The following SGCZ variants were observed in gnomAD, a reference collection of about 807,000 sequenced individuals.
SGCZ encodes the protein zeta-sarcoglycan.
In SGCZ, 40 loss-of-function variants were observed where a neutral mutation model predicts 41.3. That is an observed-to-expected ratio of 0.97 (90% CI 0.75 to 1.26). The LOEUF (loss-of-function observed/expected upper bound fraction) is 1.26. Among genes scored for constraint, SGCZ ranks in the 50% most tolerant of loss-of-function variants. The pLI is 0.00. For synonymous variants in SGCZ, 206 were observed against 137.5 expected (o/e 1.50, Z -3.49); for missense variants, 552 against 369.8 (o/e 1.49, Z -4.04).
At chr8:15,047,642 C>G (rs1804361070) in intron 1 of SGCZ, among the ~76,000 whole-genome samples, 1 of 151,966 alleles carries the variant, frequency 6.6e-6, no homozygotes, top group Non-Finnish European at 1.5e-5. Flanking sequence ...ATCTCATAAT[C>G]TATGCTAGTC....
intron 1 of SGCZ, among the ~76,000 whole-genome samples, chr8:15,081,284 A>C (rs1206671649): frequency 2.6e-5 from 4 of 152,210 alleles, no homozygotes; most frequent in Non-Finnish European, 5.9e-5. Flanking sequence ...TTTTCAAATG[A>C]CAAAAGGAGT....
At chr8:15,070,693 T>C (rs1805317584) in intron 1 of SGCZ, among the ~76,000 whole-genome samples, 1 of 152,184 alleles carries the variant, frequency 6.6e-6, no homozygotes, top group Admixed American at 6.5e-5. Flanking sequence ...CTCAGTGTGA[T>C]ATTTAGATTT....
intron 1 of SGCZ, among the ~76,000 whole-genome samples, chr8:14,773,803 A>T (rs1800318363): frequency 6.6e-6 from 1 of 152,198 alleles, no homozygotes; most frequent in African/African-American, 2.4e-5. Context: ...AAAACACTCC[A>T]CACCCAATTG....
intron 1 of SGCZ, among the ~76,000 whole-genome samples, chr8:14,948,857 T>C (rs1462752881): frequency 7.1e-6 from 1 of 140,774 alleles, no homozygotes; most frequent in Non-Finnish European, 1.5e-5. Context: ...CATTCATTCT[T>C]TAACCCTGTT....
chr8:14,255,571 T>C (rs1446265312), intron 3 of SGCZ, among the ~76,000 whole-genome samples: 1 of 152,102 alleles, frequency 6.6e-6, no homozygotes, highest in Non-Finnish European at 1.5e-5. Context: ...AAAGACAAAG[T>C]ATAAATTTAT....
rs934202055 is a variant in SGCZ at position 14,850,916 on chromosome 8, A to G, written c.40-295990T>C. Among the ~76,000 whole-genome samples the G allele has an allele frequency of 2.0e-5, 3 of 151,920 alleles. No individual in the cohort carries two copies. In the East Asian group the frequency reaches 5.8e-4, roughly 29 times the overall value. On this transcript the variant is annotated intron_variant, in intron 1 of 7. Coordinates refer to ENST00000382080, the MANE Select transcript of SGCZ (RefSeq NM_139167.4). ...CCACCAGGATTTTAAGTTTCCTGAC[A>G]CCTCTCCAGCCGTACTGTGATTCAA...
chr8:14,717,417 C>A (rs1003565628), intron 1 of SGCZ, among the ~76,000 whole-genome samples: 4 of 152,042 alleles, frequency 2.6e-5, no homozygotes, highest in Non-Finnish European at 5.9e-5. Flanking sequence ...AAAATATAGA[C>A]AATTTCTACT....
chr8:14,856,275 T>C (rs1350078289), intron 1 of SGCZ, among the ~76,000 whole-genome samples: 1 of 152,158 alleles, frequency 6.6e-6, no homozygotes, highest in African/African-American at 2.4e-5. Flanking sequence ...ATACAGACTG[T>C]AACGAATCCT....
rs77762136 is a variant in SGCZ, at chr8:14,605,505, T to A, written c.40-50579A>T. On this transcript the variant is annotated intron_variant, in intron 1 of 7. Transcript: ENST00000382080. ...TGCTATCAAATACTAGATCTTTTAA[T>A]CTTTTTCTATTTTTTTGTACCCATT... Among the ~76,000 whole-genome samples the A allele has an allele frequency of 5.4e-3, 821 of 152,236 alleles. 7 individuals carry two copies. The highest frequency in any genetic ancestry group is 0.019 in the African/African-American group (775 of 41,542).
intron 1 of SGCZ, among the ~76,000 whole-genome samples, chr8:15,030,866 G>T (rs1475612968): frequency 6.6e-6 from 1 of 152,154 alleles, no homozygotes; most frequent in Non-Finnish European, 1.5e-5. Flanking sequence ...AAGAGAGTTA[G>T]AGTTAGCCAC....
chr8:14,384,658 C>T lies in SGCZ; in HGVS notation c.235-60454G>A, dbSNP rs182679608. On this transcript the variant is annotated intron_variant, in intron 2 of 7. Coordinates refer to ENST00000382080, the MANE Select transcript of SGCZ (RefSeq NM_139167.4). ...CACTGAAACCTCCACCTCCTAGGCT[C>T]AAGCAATTGTCCTGCCTCAGCCACC... 2.5e-3 allele frequency among the ~76,000 whole-genome samples: 384 copies of T among 152,280 alleles called. 2 individuals are homozygous for T. The highest frequency in any genetic ancestry group is 8.6e-3 in the African/African-American group (358 of 41,562).
intron 2 of SGCZ, among the ~76,000 whole-genome samples, chr8:14,379,977 C>T (rs1804299330): frequency 6.6e-6 from 1 of 152,182 alleles, no homozygotes; most frequent in Non-Finnish European, 1.5e-5. Flanking sequence ...AGGTGATCCA[C>T]CCACCTCGGC....
intron 2 of SGCZ, among the ~76,000 whole-genome samples, chr8:14,476,003 C>T (rs1354257998): frequency 1.3e-5 from 2 of 151,504 alleles, no homozygotes; most frequent in Non-Finnish European, 2.9e-5. Flanking sequence ...GACAGGGTCT[C>T]ACTATGTTGC....
At chr8:14,949,161 T>A (rs904211699) in intron 1 of SGCZ, among the ~76,000 whole-genome samples, 1 of 152,120 alleles carries the variant, frequency 6.6e-6, no homozygotes, top group African/African-American at 2.4e-5. Flanking sequence ...TAGCAGTATA[T>A]ATACTAAGTG....
chr8:14,296,379 T>C (rs1205559669), intron 3 of SGCZ, among the ~76,000 whole-genome samples: 11 of 152,192 alleles, frequency 7.2e-5, no homozygotes, highest in Admixed American at 7.2e-4. Flanking sequence ...GAAAGTTCTT[T>C]AGTCCAAAGA....
intron 1 of SGCZ, among the ~76,000 whole-genome samples, chr8:14,643,855 C>G (rs908540026): frequency 6.6e-6 from 1 of 151,540 alleles, no homozygotes; most frequent in African/African-American, 2.4e-5. Flanking sequence ...GCTTAACGTG[C>G]TGAATAAATT....
intron 2 of SGCZ, among the ~76,000 whole-genome samples, chr8:14,350,198 G>A (rs983636069): frequency 1.3e-5 from 2 of 151,458 alleles, no homozygotes; most frequent in African/African-American, 2.4e-5. Context: ...ACATTAATCT[G>A]TTTATGATGG....
chr8:15,192,613 G>T (rs139111818), intron 1 of SGCZ, among the ~76,000 whole-genome samples: 1 of 152,154 alleles, frequency 6.6e-6, no homozygotes, highest in African/African-American at 2.4e-5. Flanking sequence ...TCTCTTTCTG[G>T]TTTACTGGCA....
At chr8:14,848,287 A>C (rs1014025537) in intron 1 of SGCZ, among the ~76,000 whole-genome samples, 1 of 152,198 alleles carries the variant, frequency 6.6e-6, no homozygotes, top group Admixed American at 6.5e-5. Flanking sequence ...ATTCTCCCCA[A>C]ATGGGTCCAT....
Sources: gnomAD v4.1 joint callset for allele counts (sites outside exome capture counted in the v4.1 genomes callset) on GRCh38, gnomAD v4.1.1 for gene constraint, MANE v1.5 for transcripts, NCBI Gene and HGNC (gene_info 2026-07-23, HGNC 2026-07-21) for gene names.